The following FAXC variants were observed in gnomAD, a reference collection of about 807,000 sequenced individuals.
FAXC encodes the protein failed axon connections homolog.
In FAXC, 10 loss-of-function variants were observed where a neutral mutation model predicts 41.9. That is an observed-to-expected ratio of 0.24 (90% CI 0.15 to 0.41). FAXC has a LOEUF of 0.41. Among genes scored for constraint, FAXC ranks in the 10% least tolerant of loss-of-function variants. The pLI is 1.00. For synonymous variants in FAXC, 183 were observed against 183.8 expected, an observed-to-expected ratio of 1.00 and a Z score of 0.03; for missense variants, 399 against 510.9, an observed-to-expected ratio of 0.78 and a Z score of 2.11.
At chr6:99,323,350 A>G (rs1772659798) in intron 4 of FAXC, 94 bp downstream of exon 4, 13 of 1,153,510 alleles carry the variant, frequency 1.1e-5, no homozygotes. Context: ...AAATCAACCA[A>G]AATTAAAACA....
intron 4 of FAXC, among the ~76,000 whole-genome samples, chr6:99,302,746 G>A (rs1405899044): frequency 6.6e-6 from 1 of 152,150 alleles, no homozygotes; most frequent in Non-Finnish European, 1.5e-5. Context: ...TACAGCAGGA[G>A]GTAGGGGTCA....
At chr6:99,312,463 T>C (rs1298411099) in intron 4 of FAXC, among the ~76,000 whole-genome samples, 2 of 152,196 alleles carry the variant, frequency 1.3e-5, no homozygotes, top group Non-Finnish European at 2.9e-5. Flanking sequence ...TAGAGAGACA[T>C]GCAGATTATT....
At chr6:99,327,019 A>G (rs1365090630) in intron 3 of FAXC, among the ~76,000 whole-genome samples, 1 of 152,228 alleles carries the variant, frequency 6.6e-6, no homozygotes, top group Admixed American at 6.5e-5. Flanking sequence ...AATGCAGGAC[A>G]CAGAAGACGA....
chr6:99,318,137 T>C (rs1772434459), intron 4 of FAXC, among the ~76,000 whole-genome samples: 2 of 151,938 alleles, frequency 1.3e-5, no homozygotes, highest in Non-Finnish European at 2.9e-5. Flanking sequence ...TGGGCGCCTT[T>C]AGTCCCAGCT....
chr6:99,304,049 G>A (rs1771818752), intron 4 of FAXC, among the ~76,000 whole-genome samples: 1 of 152,122 alleles, frequency 6.6e-6, no homozygotes, highest in South Asian at 2.1e-4. Flanking sequence ...TGGGAGCTGA[G>A]GCGGGTGGAT....
In FAXC at chr6:99,280,717, A is replaced by G. The variant is rs1225200584; in HGVS notation, c.*447T>C. The G allele has an allele frequency of 1.1e-5, 2 of 186,910 alleles. No homozygotes were observed. The highest frequency in any genetic ancestry group is 4.8e-5 in the African/African-American group (2 of 42,074). The allele number at this position is 186,910 out of a possible 1,614,324, so 11.6% of individuals were successfully genotyped here. ...ATGTCTCAACATACAATATACACAC[A>G]TAAAGTACAAGCAGCCACCGTAAAA... On this transcript the variant is annotated 3_prime_UTR_variant, in exon 6 of 6. Transcript: ENST00000389677.
chr6:99,302,916 A>G (rs760003663), intron 4 of FAXC, among the ~76,000 whole-genome samples: 1 of 152,212 alleles, frequency 6.6e-6, no homozygotes, highest in Non-Finnish European at 1.5e-5. Flanking sequence ...ATATAACAAC[A>G]TAACTATTAA....
At chr6:99,320,823 G>A (rs1464901050) in intron 4 of FAXC, among the ~76,000 whole-genome samples, 6 of 152,128 alleles carry the variant, frequency 3.9e-5, no homozygotes, top group African/African-American at 7.2e-5. Context: ...ACACACTGCC[G>A]CCTCATCTAC....
At chr6:99,315,425 C>T (rs958465380) in intron 4 of FAXC, among the ~76,000 whole-genome samples, 1 of 152,048 alleles carries the variant, frequency 6.6e-6, no homozygotes, top group Non-Finnish European at 1.5e-5. Context: ...CCTGCAATAT[C>T]TCCCTCAGGT....
At chr6:99,297,851 G>A (rs1043132550) in intron 4 of FAXC, among the ~76,000 whole-genome samples, 6 of 152,208 alleles carry the variant, frequency 3.9e-5, no homozygotes, top group Middle Eastern at 3.4e-3. Context: ...CTTCCCACAC[G>A]GTCCCAGTCT....
At chr6:99,298,282 G>C (rs1205160351) in intron 4 of FAXC, among the ~76,000 whole-genome samples, 1 of 151,278 alleles carries the variant, frequency 6.6e-6, no homozygotes, top group Non-Finnish European at 1.5e-5. Flanking sequence ...TGTTCCCCAG[G>C]ATGGTTTTGA....
chr6:99,282,545 G>C (rs772571321), intron 5 of FAXC, among the ~76,000 whole-genome samples: 1 of 152,152 alleles, frequency 6.6e-6, no homozygotes, highest in Non-Finnish European at 1.5e-5. Flanking sequence ...AAGAACTCTT[G>C]TGTTAAGTCA....
chr6:99,281,246 G>A lies in FAXC; in HGVS notation c.1148C>T (p.Pro383Leu). 6.2e-7 allele frequency: 1 copy of A among 1,613,470 alleles called. No individual in the cohort carries two copies. Among genetic ancestry groups the A allele is most frequent in the Non-Finnish European group, 8.5e-7 (1 of 1,179,400 alleles). ...EGAENSFSRT[P>L]DTDFTGHSLF... ...TGAGTGTCCAGTAAAATCTGTGTCT[G>A]GGGTTCTGGAAAAACTGTTTTCTGC... is the stretch of plus-strand genomic sequence containing the variant. The change falls in exon 6 of 6, where the codon CCA (proline) becomes CTA (leucine). Residue 383 changes from proline (P) to leucine (L), a missense_variant. Physicochemically the swap from Pro to Leu is moderately conservative, Grantham distance 98 (BLOSUM62 -3). Transcript: ENST00000389677.
In FAXC at chr6:99,349,482, C is replaced by T; in HGVS notation, c.-110G>A. On this transcript the variant is annotated 5_prime_UTR_variant, in exon 1 of 6. Transcript: ENST00000389677. ...AGGCGCGCGGAGGGCGCGGGCGGCG[C>T]GGGCGGCGGCGACTGAGGAGGCGGC... The T allele has an allele frequency of 1.2e-6, 1 of 824,384 alleles. No homozygotes were observed. The highest frequency in any genetic ancestry group is 1.5e-6 in the Non-Finnish European group (1 of 683,830). The allele number at this position is 824,384 out of a possible 1,614,324, so 51.1% of individuals were successfully genotyped here.
rs183603540 is a variant in FAXC, at chr6:99,310,662, A to T, written c.823+12782T>A. ...TTTTTTTCTTTTATCTGTGTATTTT[A>T]TCTTTCTAGCTAGATTGACAGGCAT... On this transcript the variant is annotated intron_variant, in intron 4 of 5. Coordinates refer to ENST00000389677, the MANE Select transcript of FAXC (RefSeq NM_032511.4). Among the ~76,000 whole-genome samples the T allele has an allele frequency of 3.3e-5, 5 of 152,330 alleles. No homozygotes were observed. In the East Asian group the frequency reaches 9.6e-4, roughly 29 times the overall value.
At position 99,315,323 on chromosome 6, in the gene FAXC, CCAT is replaced by C. The variant is rs898374487; in HGVS notation, c.823+8118_823+8120del. On this transcript the variant is annotated intron_variant, in intron 4 of 5. Coordinates refer to ENST00000389677, the MANE Select transcript of FAXC (RefSeq NM_032511.4). ...AACCACCTCTTCATCACTACCACCA[CCAT>C]GTTCATTTCCCCTGCAAAAAAATTC... 2.7e-5 allele frequency among the ~76,000 whole-genome samples: 4 copies of C among 150,220 alleles called. 1 individual carries two copies. The highest frequency in any genetic ancestry group is 1.3e-4 in the Admixed American group (2 of 15,096).
At chr6:99,340,366 G>A (rs184511763) in intron 2 of FAXC, among the ~76,000 whole-genome samples, 1 of 152,190 alleles carries the variant, frequency 6.6e-6, no homozygotes, top group African/African-American at 2.4e-5. Context: ...CTCCCAAAGT[G>A]CTGGGATTAC....
At position 99,274,455 on chromosome 6, in the gene FAXC, T is replaced by TCCTA. The variant is rs1341822072; in HGVS notation, c.*6705_*6708dup. On this transcript the variant is annotated 3_prime_UTR_variant, in exon 6 of 6. Coordinates refer to ENST00000389677, the MANE Select transcript of FAXC (RefSeq NM_032511.4). ...CATTTGTTACTGTTTTCTTCTCTCC[T>TCCTA]CCTACTCAGTTAAATTCTAATACCA... The TCCTA allele has an allele frequency of 6.6e-6, 1 of 152,160 alleles. No homozygotes were observed. The highest frequency in any genetic ancestry group is 2.4e-5 in the African/African-American group (1 of 41,440). 9.4% of individuals were successfully genotyped at this position (152,160 alleles called of 1,614,324 possible). A position where few individuals can be genotyped will look rare whatever the true frequency, so the allele number is the denominator to read the frequency against.
chr6:99,349,365 C>A lies in FAXC; in HGVS notation c.8G>T (p.Trp3Leu). 2 of 1,610,518 alleles carry A rather than the reference C, an allele frequency of 1.2e-6. No homozygotes were observed. Among genetic ancestry groups the A allele is most frequent in the Non-Finnish European group, 1.7e-6 (2 of 1,178,924 alleles). The change falls in exon 1 of 6, where the codon TGG becomes TTG. Residue 3 changes from tryptophan (W) to leucine (L), a missense_variant. By Grantham distance (61) the Trp-to-Leu change is moderately conservative (BLOSUM62 -2). Coordinates refer to ENST00000389677, the MANE Select transcript of FAXC (RefSeq NM_032511.4). Reference sequence around the variant, plus strand: ...CCTGGACGAAGCAAAGCCAACCCCCCAGTGCATGCTGCGCGGCTGGCTCCG... The same window carrying A: ...CCTGGACGAAGCAAAGCCAACCCCCAAGTGCATGCTGCGCGGCTGGCTCCG... MHWGVGFASSRPC... is the reference protein window; with the variant it reads MHLGVGFASSRPC...
Sources: allele counts gnomAD v4.1 joint callset (sites outside exome capture counted in the v4.1 genomes callset), GRCh38; gene constraint gnomAD v4.1.1; transcripts MANE v1.5; gene names NCBI Gene and HGNC (gene_info 2026-07-23, HGNC 2026-07-21).